Variants in HIBADH observed in about 807,000 individuals in gnomAD.
HIBADH encodes the protein 3-hydroxyisobutyrate dehydrogenase, also known as 3-hydroxyisobutyrate dehydrogenase, mitochondrial.
HIBADH carries 25 observed loss-of-function variants against 36.1 expected under a neutral mutation model. The observed-to-expected ratio is 0.69, with a 90% CI of 0.50 to 0.97. HIBADH has a LOEUF of 0.97. Ranked by LOEUF, HIBADH falls within the 50% of genes least tolerant of loss-of-function variation. The probability of loss-of-function intolerance (pLI) is 0.00; values close to 1 mark genes in which losing one functional copy is unlikely to be tolerated. For synonymous variants in HIBADH, 160 were observed against 149.5 expected, an observed-to-expected ratio of 1.07 and a Z score of -0.51; for missense variants, 421 against 418.0, an observed-to-expected ratio of 1.01 and a Z score of -0.06.
intron 4 of HIBADH, among the ~76,000 whole-genome samples, chr7:27,576,759 A>G (rs1350793670): frequency 6.6e-6 from 1 of 152,204 alleles, no homozygotes; most frequent in Non-Finnish European, 1.5e-5. Flanking sequence ...CCCAAGTGTC[A>G]CACATTCATT....
At chr7:27,539,409 TAGAGTG>T (rs1784114019) in intron 5 of HIBADH, among the ~76,000 whole-genome samples, 1 of 151,938 alleles carries the variant, frequency 6.6e-6, no homozygotes, top group Non-Finnish European at 1.5e-5. Context: ...ATACCAAGTC[TAGAGTG>T]AGATAAAGAG....
chr7:27,597,764 A>G (rs950958779), intron 4 of HIBADH, among the ~76,000 whole-genome samples: 7 of 152,228 alleles, frequency 4.6e-5, no homozygotes, highest in African/African-American at 1.4e-4. Context: ...AAGAATACCT[A>G]TAAGATAGAA....
intron 2 of HIBADH, 100 bp downstream of exon 2, chr7:27,649,373 C>T (rs1173976885): frequency 2.3e-6 from 2 of 860,942 alleles, no homozygotes; most frequent in East Asian, 2.7e-5. Flanking sequence ...ATTAGGTTTA[C>T]AACTCCATTG....
chr7:27,569,037 C>G (rs1015645953), intron 4 of HIBADH, among the ~76,000 whole-genome samples: 1 of 151,382 alleles, frequency 6.6e-6, no homozygotes, highest in Non-Finnish European at 1.5e-5. Context: ...TTACAGTCTT[C>G]TTCTTTTAGT....
At chr7:27,548,777 G>A (rs1436167878) in intron 4 of HIBADH, among the ~76,000 whole-genome samples, 1 of 152,062 alleles carries the variant, frequency 6.6e-6, no homozygotes, top group Non-Finnish European at 1.5e-5. Context: ...ATGCCAAAAG[G>A]TAGCATCACA....
intron 4 of HIBADH, among the ~76,000 whole-genome samples, chr7:27,587,677 TAGG>T (rs1297224759): frequency 2.0e-5 from 3 of 152,110 alleles, no homozygotes; most frequent in East Asian, 1.9e-4. Flanking sequence ...CCGCTACAAT[TAGG>T]AGGTTTCGTT....
At chr7:27,544,750 T>C (rs1784210354) in intron 4 of HIBADH, among the ~76,000 whole-genome samples, 1 of 152,242 alleles carries the variant, frequency 6.6e-6, no homozygotes, top group African/African-American at 2.4e-5. Flanking sequence ...TTTTGCTTTG[T>C]ATTTAGATTA....
At chr7:27,560,281 C>T (rs1428110977) in intron 4 of HIBADH, among the ~76,000 whole-genome samples, 1 of 152,124 alleles carries the variant, frequency 6.6e-6, no homozygotes, top group Admixed American at 6.6e-5. Flanking sequence ...ACCACCACGC[C>T]TAATTTTTTG....
chr7:27,654,607 A>G (rs751397732), intron 1 of HIBADH, among the ~76,000 whole-genome samples: 7 of 152,170 alleles, frequency 4.6e-5, no homozygotes, highest in Non-Finnish European at 7.3e-5. Flanking sequence ...AGAAATCTAT[A>G]ACCAAGAAAA....
chr7:27,552,966 AAAGC>A (rs1347474124), intron 4 of HIBADH, among the ~76,000 whole-genome samples: 1 of 152,222 alleles, frequency 6.6e-6, no homozygotes, highest in Non-Finnish European at 1.5e-5. Flanking sequence ...TAAGAAAACA[AAAGC>A]AAGGGACATG....
intron 4 of HIBADH, among the ~76,000 whole-genome samples, chr7:27,558,600 G>A (rs1784425742): frequency 6.6e-6 from 1 of 152,112 alleles, no homozygotes; most frequent in Admixed American, 6.5e-5. Context: ...AGGAGGCTGA[G>A]GCAAGAGGAT....
At chr7:27,629,626 T>C (rs1785712258) in intron 3 of HIBADH, 134 bp from the exon 4 acceptor site, 4 of 525,284 alleles carry the variant, frequency 7.6e-6, no homozygotes, top group Admixed American at 3.9e-5. Context: ...AAAAACATTA[T>C]TAATTAGAAC....
intron 4 of HIBADH, among the ~76,000 whole-genome samples, chr7:27,586,933 C>T (rs917370433): frequency 1.3e-5 from 2 of 152,344 alleles, no homozygotes; most frequent in African/African-American, 2.4e-5. Context: ...GCCCTGCAGT[C>T]GCCAGGGTCC....
intron 4 of HIBADH, among the ~76,000 whole-genome samples, chr7:27,611,560 C>T (rs1785322328): frequency 6.6e-6 from 1 of 152,060 alleles, no homozygotes; most frequent in Admixed American, 6.5e-5. Context: ...GACTAAACAA[C>T]ATGAGACATT....
chr7:27,571,943 T>C (rs569943814), intron 4 of HIBADH, among the ~76,000 whole-genome samples: 26 of 152,352 alleles, frequency 1.7e-4, no homozygotes, highest in African/African-American at 4.6e-4. Context: ...GTAACCAGCA[T>C]AGACAGACAG....
chr7:27,605,925 G>A (rs1302929185), intron 4 of HIBADH, among the ~76,000 whole-genome samples: 1 of 152,086 alleles, frequency 6.6e-6, no homozygotes, highest in African/African-American at 2.4e-5. Flanking sequence ...TTTGGAAACT[G>A]AGCTGTTCTA....
rs560800207 is a variant in HIBADH, at chr7:27,658,564, GTTAATTA to G, written c.91+4127_91+4133del. On this transcript the variant is annotated intron_variant, in intron 1 of 7. Transcript: ENST00000265395. Reference sequence around the variant, plus strand: ...GTCAAAATGCAAAAATTGGTAACAAGTTAATTATTTTACATTTCTGAGGCTTCTTTTC... The same window carrying G: ...GTCAAAATGCAAAAATTGGTAACAAGTTTTACATTTCTGAGGCTTCTTTTC... Among the ~76,000 whole-genome samples the G allele has an allele frequency of 2.0e-3, 301 of 152,206 alleles. 1 individual carries two copies. Among genetic ancestry groups the G allele is most frequent in the African/African-American group, 7.1e-3 (293 of 41,536 alleles).
intron 1 of HIBADH, among the ~76,000 whole-genome samples, chr7:27,654,947 A>C (rs1015590392): frequency 6.6e-6 from 1 of 152,132 alleles, no homozygotes; most frequent in African/African-American, 2.4e-5. Context: ...TCAGCCTCCT[A>C]AAGTTCTAGG....
At chr7:27,641,927 T>A (rs1006982909) in intron 2 of HIBADH, among the ~76,000 whole-genome samples, 1 of 120,054 alleles carries the variant, frequency 8.3e-6, no homozygotes, top group Non-Finnish European at 1.6e-5. Context: ...CTTAAGAGAA[T>A]GAGAGATGTG....
Sources: allele counts gnomAD v4.1 joint callset (sites outside exome capture counted in the v4.1 genomes callset), GRCh38; gene constraint gnomAD v4.1.1; transcripts MANE v1.5; gene names NCBI Gene and HGNC (gene_info 2026-07-23, HGNC 2026-07-21).